DLG2: variants seen among roughly 807,000 people sequenced by gnomAD.
DLG2 encodes disks large homolog 2.
In DLG2, 45 loss-of-function variants were observed where a neutral mutation model predicts 132.5. That is an observed-to-expected ratio of 0.34 (90% confidence interval 0.27 to 0.44). The LOEUF (loss-of-function observed/expected upper bound fraction) is 0.44. Among genes scored for constraint, DLG2 ranks in the 20% least tolerant of loss-of-function variants. DLG2 has a pLI of 1.00. For synonymous variants in DLG2, 424 were observed against 419.6 expected (o/e 1.01, Z -0.13); for missense variants, 1,045 against 1,196.9 (o/e 0.87, Z 1.87).
chr11:84,356,239 C>T (rs2098610615), intron 7 of DLG2, among the ~76,000 whole-genome samples: 1 of 152,060 alleles, frequency 6.6e-6, no homozygotes, highest in African/African-American at 2.4e-5. Context: ...TAAAGACCAG[C>T]TTTTTCTAGG....
At chr11:84,043,663 G>T (rs1164068511) in intron 11 of DLG2, among the ~76,000 whole-genome samples, 6 of 151,724 alleles carry the variant, frequency 4.0e-5, no homozygotes, top group African/African-American at 1.5e-4. Context: ...TATAGCTCCT[G>T]TTTGGTATAG....
chr11:83,859,542 C>T (rs139676672), intron 16 of DLG2, among the ~76,000 whole-genome samples: 3,155 of 152,270 alleles, frequency 0.021, 97 homozygotes, highest in African/African-American at 0.071. Context: ...AATTTCTAAG[C>T]AGCAAAGCAT....
At chr11:84,588,622 G>A (rs941460867) in intron 6 of DLG2, among the ~76,000 whole-genome samples, 4 of 152,080 alleles carry the variant, frequency 2.6e-5, no homozygotes, top group Non-Finnish European at 2.9e-5. Flanking sequence ...GACCTGCTGC[G>A]CTGCATTCCC....
At chr11:84,440,956 T>TAG in intron 7 of DLG2, among the ~76,000 whole-genome samples, 1 of 152,162 alleles carries the variant, frequency 6.6e-6, no homozygotes, top group Non-Finnish European at 1.5e-5. Context: ...AAGGAATTAA[T>TAG]ATCTGGTGGC....
At chr11:84,702,510 A>G (rs1565705416) in intron 6 of DLG2, among the ~76,000 whole-genome samples, 1 of 151,642 alleles carries the variant, frequency 6.6e-6, no homozygotes, top group Non-Finnish European at 1.5e-5. Flanking sequence ...AGGTCTTTTG[A>G]TTCTTTTGTT....
At chr11:83,571,253 T>A (rs1208608083) in intron 19 of DLG2, among the ~76,000 whole-genome samples, 4 of 152,080 alleles carry the variant, frequency 2.6e-5, no homozygotes, top group African/African-American at 9.7e-5. Context: ...TCAAGTACTT[T>A]AACTCAAGCA....
At chr11:84,436,192 C>T (rs1403902003) in intron 7 of DLG2, among the ~76,000 whole-genome samples, 1 of 152,088 alleles carries the variant, frequency 6.6e-6, no homozygotes, top group Non-Finnish European at 1.5e-5. Context: ...CTCCCTCATC[C>T]ACCAAAAGTG....
chr11:83,557,069 G>A (rs574656503), intron 19 of DLG2, among the ~76,000 whole-genome samples: 2 of 152,156 alleles, frequency 1.3e-5, no homozygotes, highest in African/African-American at 2.4e-5. Context: ...CCCTTTATTT[G>A]TTCTCTGTTT....
intron 6 of DLG2, among the ~76,000 whole-genome samples, chr11:84,599,178 G>C (rs1391362886): frequency 6.6e-6 from 1 of 152,138 alleles, no homozygotes; most frequent in East Asian, 1.9e-4. Flanking sequence ...CCGGGAGGCA[G>C]AGGTTGCAGT....
intron 7 of DLG2, among the ~76,000 whole-genome samples, chr11:84,444,234 A>AGG (rs1037218005): frequency 3.3e-5 from 5 of 152,072 alleles, no homozygotes; most frequent in African/African-American, 4.8e-5. Context: ...GGGCAGGGAA[A>AGG]GGGGGAGCAT....
intron 9 of DLG2, among the ~76,000 whole-genome samples, chr11:84,104,956 AC>A (rs1464328247): frequency 1.3e-5 from 2 of 152,012 alleles, no homozygotes; most frequent in Non-Finnish European, 2.9e-5. Context: ...AAGCAAACAA[AC>A]AAAAACTGAG....
chr11:84,046,396 G>T (rs2096244130), intron 11 of DLG2, among the ~76,000 whole-genome samples: 1 of 151,380 alleles, frequency 6.6e-6, no homozygotes, highest in Non-Finnish European at 1.5e-5. Context: ...ACCACATTCA[G>T]TTGATTCAAA....
intron 8 of DLG2, among the ~76,000 whole-genome samples, chr11:84,180,670 A>G (rs2096093558): frequency 6.6e-6 from 1 of 152,134 alleles, no homozygotes; most frequent in Non-Finnish European, 1.5e-5. Flanking sequence ...GTCTTGAAAG[A>G]AGCTAGTGGG....
intron 19 of DLG2, among the ~76,000 whole-genome samples, chr11:83,564,012 AGACTGTTG>A (rs1471730063): frequency 1.3e-5 from 2 of 152,162 alleles, no homozygotes; most frequent in African/African-American, 4.8e-5. Flanking sequence ...GCAGATAATT[AGACTGTTG>A]GCCAGAATTT....
chr11:84,408,414 A>C (rs1424623520), intron 7 of DLG2, among the ~76,000 whole-genome samples: 1 of 152,100 alleles, frequency 6.6e-6, no homozygotes, highest in Non-Finnish European at 1.5e-5. Context: ...TTACATATGT[A>C]TACATGTGCC....
At chr11:85,602,932 C>G (rs966578592) in intron 2 of DLG2, among the ~76,000 whole-genome samples, 1 of 152,118 alleles carries the variant, frequency 6.6e-6, no homozygotes, top group Non-Finnish European at 1.5e-5. Context: ...AAGGCCTTCC[C>G]TAATACTCCT....
chr11:84,840,455 T>C (rs1038071127), intron 6 of DLG2, among the ~76,000 whole-genome samples: 2 of 152,116 alleles, frequency 1.3e-5, no homozygotes, highest in African/African-American at 4.8e-5. Flanking sequence ...GATCTAGAAA[T>C]AGAAATACCA....
At chr11:83,562,412 T>G (rs773517555) in intron 19 of DLG2, among the ~76,000 whole-genome samples, 39 of 151,932 alleles carry the variant, frequency 2.6e-4, no homozygotes, top group African/African-American at 8.9e-4. Flanking sequence ...ATGCCCTGGG[T>G]GGGGGGGTAC....
chr11:85,345,230 C>T (rs1240797322), intron 3 of DLG2, among the ~76,000 whole-genome samples: 1 of 152,008 alleles, frequency 6.6e-6, no homozygotes, highest in Admixed American at 6.5e-5. Flanking sequence ...AAGGATCATT[C>T]CTTAGAAAGA....
Sources: allele counts gnomAD v4.1 joint callset (sites outside exome capture counted in the v4.1 genomes callset), GRCh38; gene constraint gnomAD v4.1.1; transcripts MANE v1.5; gene names NCBI Gene and HGNC (gene_info 2026-07-23, HGNC 2026-07-21).